DDX42: variants seen among roughly 807,000 people sequenced by gnomAD.
The protein encoded by DDX42 is ATP-dependent RNA helicase DDX42.
Under a neutral mutation model 101.5 loss-of-function variants are expected in DDX42, and 22 were observed. That is an observed-to-expected ratio of 0.22 (90% CI 0.15 to 0.31). DDX42 has a LOEUF of 0.31. DDX42 is among the 10% of genes least tolerant of loss of function. DDX42 has a pLI of 1.00. For missense variants in DDX42, 849 were observed against 1,199.9 expected (o/e 0.71, Z 4.32); for synonymous variants, 402 against 401.2 (o/e 1.00, Z -0.02).
chr17:63,787,454 A>G (rs1385513210), intron 2 of DDX42, among the ~76,000 whole-genome samples, 184 bp downstream of exon 2: 1 of 152,218 alleles, frequency 6.6e-6, no homozygotes, highest in Admixed American at 6.5e-5. Flanking sequence ...TAAGGAATGT[A>G]ATACCTGTGG....
At chr17:63,803,743 G>C (rs896872129) in intron 6 of DDX42, among the ~76,000 whole-genome samples, 16 of 151,024 alleles carry the variant, frequency 1.1e-4, no homozygotes, top group Admixed American at 4.0e-4. Context: ...TCCTCCTCCC[G>C]GGTTCAAGAG....
intron 11 of DDX42, 175 bp from the exon 12 acceptor site, chr17:63,810,338 G>C: frequency 2.0e-6 from 1 of 508,092 alleles, no homozygotes; most frequent in Non-Finnish European, 3.4e-6. Context: ...TGATCCGCCT[G>C]CTTCGGCCTC....
intron 4 of DDX42, chr17:63,799,350 G>C (rs1485018723): frequency 1.5e-5 from 6 of 397,802 alleles, no homozygotes; most frequent in Admixed American, 8.8e-5. Context: ...GTTGGTAACC[G>C]CTGTTTCTAG....
At chr17:63,778,503 A>C (rs1468361407) in intron 1 of DDX42, among the ~76,000 whole-genome samples, 1 of 152,186 alleles carries the variant, frequency 6.6e-6, no homozygotes, top group African/African-American at 2.4e-5. Flanking sequence ...CCTGGGCCAG[A>C]CTGTGAACTC....
intron 8 of DDX42, among the ~76,000 whole-genome samples, chr17:63,807,271 G>A (rs541511071): frequency 6.6e-6 from 1 of 152,268 alleles, no homozygotes; most frequent in East Asian, 1.9e-4. Flanking sequence ...CTCCCAAGTA[G>A]GTGGGATTAC....
intron 6 of DDX42, among the ~76,000 whole-genome samples, chr17:63,803,438 G>C (rs1002112008): frequency 1.3e-5 from 2 of 151,456 alleles, no homozygotes; most frequent in Non-Finnish European, 1.5e-5. Context: ...ATTGGTGGCA[G>C]GCATCAGTAA....
chr17:63,778,852 G>A (rs937122729), intron 1 of DDX42, among the ~76,000 whole-genome samples: 1 of 152,104 alleles, frequency 6.6e-6, no homozygotes, highest in African/African-American at 2.4e-5. Flanking sequence ...TGTTGGCCAG[G>A]ATGGTCTTGA....
intron 8 of DDX42, 49 bp from the exon 9 acceptor site, chr17:63,807,675 A>G (rs1267081337): frequency 6.5e-7 from 1 of 1,548,920 alleles, no homozygotes. Flanking sequence ...GCTTCAGTAC[A>G]TCTTTAGAAT....
At chr17:63,773,872 C>T (rs1384382408), upstream of DDX42, 1 of 154,708 alleles carries the variant, frequency 6.5e-6, no homozygotes, top group Non-Finnish European at 1.4e-5. Context: ...GCAAGAGTGT[C>T]GCTCTAGTAG....
At chr17:63,808,558 T>G (rs2039870681) in intron 9 of DDX42, among the ~76,000 whole-genome samples, 1 of 152,116 alleles carries the variant, frequency 6.6e-6, no homozygotes, top group African/African-American at 2.4e-5. Flanking sequence ...GTAGGATGAG[T>G]TCATTTTATC....
In DDX42 at chr17:63,787,183, C is replaced by T. The variant is rs2039557496; in HGVS notation, c.134C>T (p.Ser45Phe). The T allele has an allele frequency of 1.2e-6, 2 of 1,614,188 alleles. No homozygotes were observed. The highest frequency in any genetic ancestry group is 2.7e-5 in the African/African-American group (2 of 75,044). Residue 45 changes from serine (S) to phenylalanine (F), a missense_variant, in exon 2 of 18, where the codon TCT becomes TTT. Ser to Phe is a radical substitution (Grantham distance 155, BLOSUM62 -2). Transcript: ENST00000389924. ...SHSAFGATSS[S>F]SGFGKSAPPQ... ...AGTGCCTTTGGGGCAACCAGCTCTT[C>T]TTCTGGATTTGGAAAGTCAGCTCCA... is the stretch of plus-strand genomic sequence containing the variant.
Position 63,817,896 on chromosome 17 carries a change from T to A in DDX42, c.2315T>A (p.Ile772Asn), listed in dbSNP as rs1278531083. 6.2e-7 allele frequency: 1 copy of A among 1,614,076 alleles called. No individual in the cohort carries two copies. The change falls in exon 18 of 18, where the codon ATC (isoleucine) becomes AAC (asparagine). Residue 772 changes from isoleucine to asparagine, a missense_variant. Physicochemically the swap from Ile to Asn is moderately radical, Grantham distance 149 (BLOSUM62 -3). Around this residue, in one of 5 missense-constraint regions of DDX42, gnomAD observed 300 missense variants for 304.9 expected, o/e 0.98. Transcript: ENST00000389924. ...GIPGFGNTGN[I>N]SGAPVTYPSA... ...CCAGGCTTTGGCAATACTGGCAACA[T>A]CAGTGGTGCCCCTGTGACCTACCCG...
chr17:63,800,398 C>T (rs997529416), intron 5 of DDX42, 70 bp from the exon 6 acceptor site: 13 of 1,471,286 alleles, frequency 8.8e-6, no homozygotes, highest in South Asian at 5.0e-5. Context: ...ACACTATGTG[C>T]GCTAATTACA....
At chr17:63,794,701 G>T (rs538885796) in intron 3 of DDX42, among the ~76,000 whole-genome samples, 2 of 151,776 alleles carry the variant, frequency 1.3e-5, no homozygotes, top group African/African-American at 4.8e-5. Flanking sequence ...CCAGCACTTT[G>T]GGAGGCCGAG....
chr17:63,792,970 C>T (rs1180002696), intron 3 of DDX42, among the ~76,000 whole-genome samples: 4 of 152,162 alleles, frequency 2.6e-5, no homozygotes, highest in Admixed American at 1.3e-4. Flanking sequence ...TCTTCATCAA[C>T]ATTCATGACC....
intron 15 of DDX42, among the ~76,000 whole-genome samples, chr17:63,814,519 C>T (rs2039952018): frequency 4.6e-5 from 7 of 152,146 alleles, no homozygotes; most frequent in Admixed American, 4.6e-4. Flanking sequence ...AAACAGGACA[C>T]ATTTTGACTT....
intron 14 of DDX42, 121 bp from the exon 15 acceptor site, chr17:63,813,107 C>G (rs1042081897): frequency 1.4e-5 from 12 of 884,586 alleles, no homozygotes; most frequent in Non-Finnish European, 2.0e-5. Context: ...TCTCAGCTCA[C>G]CAAACCCATG....
Position 63,809,636 on chromosome 17 carries a change from A to G in DDX42, c.1229A>G (p.Asp410Gly). ...RVSYLVFDEA[D>G]RMFDMGFEYQ... is the part of the protein sequence containing the mutation. ...TCTTACCTTGTGTTTGATGAAGCAGATCGAATGTTTGACATGGGATTTGGT... is the reference window on the plus strand; with the variant it reads ...TCTTACCTTGTGTTTGATGAAGCAGGTCGAATGTTTGACATGGGATTTGGT... Residue 410 changes from aspartate (D) to glycine (G), a missense_variant, in exon 11 of 18, where the codon GAT (aspartate) becomes GGT (glycine). Physicochemically the swap from Asp to Gly is moderately conservative, Grantham distance 94. Transcript: ENST00000389924. 6.2e-7 allele frequency: 1 copy of G among 1,614,100 alleles called. No individual in the cohort carries two copies. Among genetic ancestry groups the G allele is most frequent in the Non-Finnish European group, 8.5e-7 (1 of 1,179,952 alleles).
chr17:63,779,100 G>T (rs2144520320), intron 1 of DDX42, among the ~76,000 whole-genome samples: 1 of 152,172 alleles, frequency 6.6e-6, no homozygotes, highest in Admixed American at 6.5e-5. Flanking sequence ...ATTAAACTTT[G>T]TTTATGGCTC....
Sources: allele counts gnomAD v4.1 joint callset (sites outside exome capture counted in the v4.1 genomes callset), GRCh38; gene constraint gnomAD v4.1.1; regional missense constraint gnomAD v4.1.1; transcripts MANE v1.5; gene names NCBI Gene and HGNC (gene_info 2026-07-23, HGNC 2026-07-21).